TMEM132D: variants seen among roughly 807,000 people sequenced by gnomAD.
TMEM132D encodes mature OL transmembrane protein.
TMEM132D carries 21 observed loss-of-function variants against 62.3 expected under a neutral mutation model. The observed-to-expected ratio is 0.34, with a 90% CI of 0.24 to 0.49. The LOEUF (loss-of-function observed/expected upper bound fraction) is 0.49, where lower values mean the gene tolerates loss of function less well. Ranked by LOEUF, TMEM132D falls within the 20% of genes least tolerant of loss-of-function variation. The pLI is 0.99. For synonymous variants in TMEM132D, 621 were observed against 575.6 expected, an observed-to-expected ratio of 1.08 and a Z score of -1.13; for missense variants, 1,346 against 1,402.8, an observed-to-expected ratio of 0.96 and a Z score of 0.65.
At chr12:129,478,727 G>C (rs1210191538) in intron 3 of TMEM132D, among the ~76,000 whole-genome samples, 3 of 152,148 alleles carry the variant, frequency 2.0e-5, no homozygotes, top group Non-Finnish European at 4.4e-5. Flanking sequence ...TTAGATCAGA[G>C]GCTGGAATGT....
At chr12:129,144,172 C>T (rs1565977507) in intron 5 of TMEM132D, among the ~76,000 whole-genome samples, 2 of 151,852 alleles carry the variant, frequency 1.3e-5, no homozygotes, top group Non-Finnish European at 2.9e-5. Flanking sequence ...AGGGTGGGAT[C>T]TAGGATGAAG....
At chr12:129,147,336 A>AT (rs1322247084) in intron 5 of TMEM132D, among the ~76,000 whole-genome samples, 2 of 116,128 alleles carry the variant, frequency 1.7e-5, no homozygotes, top group African/African-American at 8.0e-5. Flanking sequence ...ATACATATAT[A>AT]TTTTTTCTGA....
chr12:129,316,595 C>T (rs189923896), intron 4 of TMEM132D, among the ~76,000 whole-genome samples: 44 of 152,152 alleles, frequency 2.9e-4, no homozygotes, highest in Admixed American at 5.9e-4. Flanking sequence ...AAGTTCCATG[C>T]GCTGTTGAAT....
intron 2 of TMEM132D, among the ~76,000 whole-genome samples, chr12:129,597,336 G>A (rs1878365531): frequency 6.6e-6 from 1 of 152,132 alleles, no homozygotes; most frequent in Admixed American, 6.5e-5. Flanking sequence ...TAACCAGAAT[G>A]TCATAAATTA....
intron 4 of TMEM132D, among the ~76,000 whole-genome samples, chr12:129,316,611 G>A (rs1339815500): frequency 2.0e-5 from 3 of 152,110 alleles, no homozygotes; most frequent in African/African-American, 4.8e-5. Context: ...TGAATAGAAC[G>A]TGTTTTCTGC....
At chr12:129,435,063 C>T (rs749059326) in intron 3 of TMEM132D, among the ~76,000 whole-genome samples, 16 of 152,094 alleles carry the variant, frequency 1.1e-4, no homozygotes, top group African/African-American at 3.9e-4. Context: ...GCGAATGTAC[C>T]GTATTTGTCC....
chr12:129,446,083 G>T (rs1873089824), intron 3 of TMEM132D, among the ~76,000 whole-genome samples: 1 of 152,112 alleles, frequency 6.6e-6, no homozygotes, highest in South Asian at 2.1e-4. Context: ...TGCTGTTGAG[G>T]GCAAGTGCAA....
At chr12:129,087,867 ATGACCGGGTGTCCTCCC>A (rs1565959362) in intron 5 of TMEM132D, among the ~76,000 whole-genome samples, 6 of 141,628 alleles carry the variant, frequency 4.2e-5, no homozygotes, top group African/African-American at 1.7e-4. Context: ...GGTGTCCTCC[ATGACCGGGTGTCCTCCC>A]TGACCGGGGT....
rs1874556676 is a variant in TMEM132D at position 129,084,651 on chromosome 12, T to C, written c.1495A>G (p.Lys499Glu). 1 of 1,614,024 alleles carries C rather than the reference T, an allele frequency of 6.2e-7. No homozygotes were observed. Among genetic ancestry groups the C allele is most frequent in the African/African-American group, 1.3e-5 (1 of 74,922 alleles). ...GTGAAGTTCACCACCACGTTGACCT[T>C]GCCTTTCATTTCTTTCCCATTGACA... ...VFVNGKEMKGKVNVVVNFTYQ... is the reference protein window; with the variant it reads ...VFVNGKEMKGEVNVVVNFTYQ... The change falls in exon 6 of 9, where the codon AAG becomes GAG. Residue 499 changes from lysine (K) to glutamate (E), a missense_variant. By Grantham distance (56) the Lys-to-Glu change is moderately conservative. Transcript: ENST00000422113.
intron 1 of TMEM132D, among the ~76,000 whole-genome samples, chr12:129,824,518 A>G (rs1374612682): frequency 2.6e-5 from 4 of 151,964 alleles, no homozygotes; most frequent in Non-Finnish European, 4.4e-5. Flanking sequence ...TTAGGAGGTG[A>G]TGAGGCTTAG....
intron 3 of TMEM132D, among the ~76,000 whole-genome samples, chr12:129,509,853 C>T (rs1875446320): frequency 6.6e-6 from 1 of 152,116 alleles, no homozygotes; most frequent in African/African-American, 2.4e-5. Flanking sequence ...TACCTCATTT[C>T]CTTTATCCAT....
chr12:129,606,118 T>C (rs1276255227), intron 2 of TMEM132D, among the ~76,000 whole-genome samples: 1 of 152,174 alleles, frequency 6.6e-6, no homozygotes, highest in Non-Finnish European at 1.5e-5. Flanking sequence ...ACTGGGATGG[T>C]GCTCACATCT....
At chr12:129,800,162 T>C (rs1431847437) in intron 1 of TMEM132D, among the ~76,000 whole-genome samples, 1 of 152,146 alleles carries the variant, frequency 6.6e-6, no homozygotes, top group Non-Finnish European at 1.5e-5. Flanking sequence ...ATTTAATCTG[T>C]AGCTGTATTG....
intron 3 of TMEM132D, among the ~76,000 whole-genome samples, chr12:129,402,318 T>C (rs1396049386): frequency 1.3e-5 from 2 of 152,176 alleles, no homozygotes; most frequent in African/African-American, 4.8e-5. Flanking sequence ...AAACCTTTGT[T>C]TGAGCCTGTA....
Position 129,267,970 on chromosome 12 carries a change from T to C in TMEM132D, c.1300-58307A>G, listed in dbSNP as rs535613088. 2.7e-3 allele frequency among the ~76,000 whole-genome samples: 412 copies of C among 152,318 alleles called. 2 individuals carry two copies. The highest frequency in any genetic ancestry group is 9.1e-3 in the African/African-American group (379 of 41,572). ...ATTTAATAAATGGTGCTGGGAAAAC[T>C]AGCTAGCCATATGTAGAAAGCTGAA... is the stretch of plus-strand genomic sequence containing the variant. On this transcript the variant is annotated intron_variant, in intron 4 of 8. Coordinates refer to ENST00000422113, the MANE Select transcript of TMEM132D (RefSeq NM_133448.3).
At chr12:129,465,903 G>A (rs1301574188) in intron 3 of TMEM132D, among the ~76,000 whole-genome samples, 2 of 152,022 alleles carry the variant, frequency 1.3e-5, no homozygotes, top group South Asian at 2.1e-4. Context: ...GGCTGGTGTC[G>A]AATTCCTGAC....
chr12:129,861,917 C>T (rs1873913109), intron 1 of TMEM132D, among the ~76,000 whole-genome samples: 1 of 152,106 alleles, frequency 6.6e-6, no homozygotes, highest in South Asian at 2.1e-4. Context: ...GATGGCCCCA[C>T]CCAGACCCAA....
intron 5 of TMEM132D, among the ~76,000 whole-genome samples, chr12:129,163,167 G>T (rs891366232): frequency 2.0e-5 from 3 of 152,230 alleles, no homozygotes; most frequent in African/African-American, 7.2e-5. Context: ...AGGCAGGTGT[G>T]CCCTTAAGAA....
At chr12:129,663,230 TG>T (rs777740552) in intron 2 of TMEM132D, among the ~76,000 whole-genome samples, 12 of 152,112 alleles carry the variant, frequency 7.9e-5, no homozygotes, top group Non-Finnish European at 1.5e-4. Flanking sequence ...CTCCACCTCC[TG>T]GGTTCAAGCG....
Sources: gnomAD v4.1 joint callset for allele counts (sites outside exome capture counted in the v4.1 genomes callset) on GRCh38, gnomAD v4.1.1 for gene constraint, MANE v1.5 for transcripts, NCBI Gene and HGNC (gene_info 2026-07-23, HGNC 2026-07-21) for gene names.